Variants in ELMO1 observed in about 807,000 individuals in gnomAD.
The protein encoded by ELMO1 is engulfment and cell motility protein 1.
ELMO1 carries 26 observed loss-of-function variants against 98.9 expected under a neutral mutation model. That is an observed-to-expected ratio of 0.26 (90% confidence interval 0.19 to 0.36). ELMO1 has a LOEUF of 0.36. Ranked by LOEUF, ELMO1 falls within the 10% of genes least tolerant of loss-of-function variation. ELMO1 has a pLI of 1.00. For missense variants in ELMO1, 627 were observed against 935.2 expected (o/e 0.67, Z 4.30); for synonymous variants, 346 against 346.0 (o/e 1.00, Z 0.00).
At chr7:37,229,933 C>G (rs981998753) in intron 8 of ELMO1, among the ~76,000 whole-genome samples, 2 of 151,980 alleles carry the variant, frequency 1.3e-5, no homozygotes, top group African/African-American at 4.8e-5. Context: ...GAATGAAAAA[C>G]ATTTTCTTAA....
At chr7:37,447,131 A>G (rs1805648361) in intron 1 of ELMO1, among the ~76,000 whole-genome samples, 1 of 152,174 alleles carries the variant, frequency 6.6e-6, no homozygotes, top group Non-Finnish European at 1.5e-5. Flanking sequence ...GGTTTTTGCA[A>G]TCTCAAAGTG....
At chr7:37,204,505 G>A (rs1478470635) in intron 13 of ELMO1, among the ~76,000 whole-genome samples, 1 of 152,180 alleles carries the variant, frequency 6.6e-6, no homozygotes, top group East Asian at 1.9e-4. Flanking sequence ...AGGCGGCACA[G>A]ACCCAAAGAG....
At chr7:37,070,873 T>C (rs989744520) in intron 15 of ELMO1, among the ~76,000 whole-genome samples, 3 of 152,210 alleles carry the variant, frequency 2.0e-5, no homozygotes, top group Admixed American at 2.0e-4. Flanking sequence ...GGAGGCATAC[T>C]CTCATCAAGG....
At position 36,990,189 on chromosome 7, in the gene ELMO1, A is replaced by AT. The variant is rs199955954; in HGVS notation, c.1437+23109dup. 6.6e-3 allele frequency among the ~76,000 whole-genome samples: 1,008 copies of AT among 152,300 alleles called. 13 individuals are homozygous for AT. The highest frequency in any genetic ancestry group is 0.023 in the African/African-American group (964 of 41,570). ...ATGGAGATCCCAGACTGGGTGCTCT[A>AT]TTTAGTTAACCTGGACTTTCTGGCG... On this transcript the variant is annotated intron_variant, in intron 16 of 21. Coordinates refer to ENST00000310758, the MANE Select transcript of ELMO1 (RefSeq NM_014800.11).
In ELMO1 at chr7:37,013,439, G is replaced by A. The variant is rs1231622965; in HGVS notation, c.1301-4C>T. 3 of 1,613,632 alleles carry A rather than the reference G, an allele frequency of 1.9e-6. No homozygotes were observed. In the African/African-American group the frequency reaches 4.0e-5, roughly 22 times the overall value. ...AAGTCGTTGCAGGTCTCACTAGCTGGAGGAAAGAGATGGAAAATAAGAGAA... is the reference window on the plus strand; with the variant it reads ...AAGTCGTTGCAGGTCTCACTAGCTGAAGGAAAGAGATGGAAAATAAGAGAA... On this transcript the variant is annotated splice_polypyrimidine_tract_variant and splice_region_variant and intron_variant, in intron 15 of 21. Transcript: ENST00000310758.
chr7:37,007,311 C>T (rs1239227416), intron 16 of ELMO1, among the ~76,000 whole-genome samples: 1 of 152,216 alleles, frequency 6.6e-6, no homozygotes, highest in Non-Finnish European at 1.5e-5. Flanking sequence ...CATACACCTA[C>T]TTTATTAGCC....
intron 15 of ELMO1, among the ~76,000 whole-genome samples, chr7:37,072,832 G>A (rs1466051061): frequency 1.3e-5 from 2 of 152,068 alleles, no homozygotes; most frequent in African/African-American, 2.4e-5. Context: ...AAATACACAT[G>A]GACAATACAT....
chr7:37,149,457 G>A lies in ELMO1; in HGVS notation c.1087-16223C>T, dbSNP rs181748024. Among the ~76,000 whole-genome samples, 691 of 152,084 alleles carry A rather than the reference G, an allele frequency of 4.5e-3. 1 individual carries two copies. Among genetic ancestry groups the A allele is most frequent in the African/African-American group, 0.016 (659 of 41,502 alleles). On this transcript the variant is annotated intron_variant, in intron 13 of 21. Transcript: ENST00000310758. Reference sequence around the variant, plus strand: ...TTTTGTACAGTTGAGAGTCTAAAATGTTTTTTCTTTTACATTTTTAAATAG... The same window carrying A: ...TTTTGTACAGTTGAGAGTCTAAAATATTTTTTCTTTTACATTTTTAAATAG...
chr7:37,287,468 A>G (rs1320238713), intron 4 of ELMO1, among the ~76,000 whole-genome samples: 1 of 152,228 alleles, frequency 6.6e-6, no homozygotes, highest in Non-Finnish European at 1.5e-5. Flanking sequence ...AAGGTCTAAT[A>G]ACTACCATAA....
intron 4 of ELMO1, among the ~76,000 whole-genome samples, chr7:37,275,277 G>T (rs1796769801): frequency 6.6e-6 from 1 of 152,206 alleles, no homozygotes; most frequent in African/African-American, 2.4e-5. Flanking sequence ...GTGATGTACT[G>T]GGTGCTGGGT....
At chr7:37,031,831 A>G (rs544812644) in intron 15 of ELMO1, among the ~76,000 whole-genome samples, 1 of 152,310 alleles carries the variant, frequency 6.6e-6, no homozygotes, top group Admixed American at 6.5e-5. Context: ...TCACATTGAA[A>G]TATTGCACTG....
intron 13 of ELMO1, among the ~76,000 whole-genome samples, chr7:37,182,120 T>G (rs928944022): frequency 2.0e-5 from 3 of 152,192 alleles, no homozygotes; most frequent in African/African-American, 7.2e-5. Flanking sequence ...GGGTTTGGTG[T>G]GGGCTTCCCA....
At chr7:36,999,297 G>A (rs1479748793) in intron 16 of ELMO1, among the ~76,000 whole-genome samples, 1 of 152,172 alleles carries the variant, frequency 6.6e-6, no homozygotes, top group African/African-American at 2.4e-5. Flanking sequence ...TGATTAAGAT[G>A]AGCAGAACAG....
At chr7:37,208,403 C>T (rs765947636) in intron 13 of ELMO1, among the ~76,000 whole-genome samples, 2 of 152,306 alleles carry the variant, frequency 1.3e-5, no homozygotes, top group East Asian at 1.9e-4. Flanking sequence ...CTGGGCATTG[C>T]CTACTTGGGA....
intron 13 of ELMO1, among the ~76,000 whole-genome samples, chr7:37,168,982 G>C (rs1005687984): frequency 1.3e-5 from 2 of 152,218 alleles, no homozygotes; most frequent in Non-Finnish European, 2.9e-5. Context: ...TGGAGCTGTG[G>C]TGGGCTCCAA....
At chr7:37,034,386 T>C (rs1224050060) in intron 15 of ELMO1, among the ~76,000 whole-genome samples, 3 of 152,140 alleles carry the variant, frequency 2.0e-5, no homozygotes, top group Non-Finnish European at 2.9e-5. Flanking sequence ...GACTCTGGCC[T>C]CTGTAATCAT....
At chr7:36,860,695 G>A (rs1802559628) in intron 21 of ELMO1, among the ~76,000 whole-genome samples, 1 of 152,166 alleles carries the variant, frequency 6.6e-6, no homozygotes, top group South Asian at 2.1e-4. Context: ...AACAGAAACA[G>A]TAGAACACAG....
At chr7:37,066,881 T>C (rs1797008428) in intron 15 of ELMO1, among the ~76,000 whole-genome samples, 1 of 152,208 alleles carries the variant, frequency 6.6e-6, no homozygotes, top group Non-Finnish European at 1.5e-5. Flanking sequence ...GAGGGCACTA[T>C]GTTTTCATCT....
intron 13 of ELMO1, among the ~76,000 whole-genome samples, chr7:37,133,538 T>C (rs571719819): frequency 2.4e-4 from 37 of 152,290 alleles, no homozygotes; most frequent in Non-Finnish European, 4.6e-4. Context: ...GCAAAAATTA[T>C]TTCTGGTGGC....
Sources: gnomAD v4.1 joint callset for allele counts (sites outside exome capture counted in the v4.1 genomes callset) on GRCh38, gnomAD v4.1.1 for gene constraint, MANE v1.5 for transcripts, NCBI Gene and HGNC (gene_info 2026-07-23, HGNC 2026-07-21) for gene names.